The following BRF1 variants were observed in gnomAD, a reference collection of about 807,000 sequenced individuals.
The protein encoded by BRF1 is transcription factor IIIB 90 kDa subunit.
A neutral mutation model predicts 81.7 loss-of-function variants in BRF1; 59 were observed. The ratio of observed to expected loss-of-function variants is 0.72; its 90% CI spans 0.59 to 0.90. The LOEUF is 0.90. BRF1 is among the 40% of genes least tolerant of loss of function. The pLI, the probability that BRF1 is intolerant of heterozygous loss-of-function variation, is 0.00. For synonymous variants in BRF1, 491 were observed against 395.6 expected, an observed-to-expected ratio of 1.24 and a Z score of -2.86; for missense variants, 1,050 against 936.3, an observed-to-expected ratio of 1.12 and a Z score of -1.58.
chr14:105,243,015 C>T (rs181402084), intron 5 of BRF1, among the ~76,000 whole-genome samples: 94 of 152,088 alleles, frequency 6.2e-4, no homozygotes, highest in Middle Eastern at 3.4e-3. Context: ...ACTTGGGAGG[C>T]TGAGGCAGGA....
Position 105,271,772 on chromosome 14 carries a change from G to C in BRF1, c.439+949C>G, listed in dbSNP as rs1566854505. 6.6e-6 allele frequency among the ~76,000 whole-genome samples: 1 copy of C among 152,252 alleles called. No homozygotes were observed. Among genetic ancestry groups the C allele is most frequent in the Non-Finnish European group, 1.5e-5 (1 of 68,032 alleles). ...CACAGGACCAGATGCACAGAGACCA[G>C]TGCAAGAGAACACCAGACACTGGAT... is the stretch of plus-strand genomic sequence containing the variant. On this transcript the variant is annotated intron_variant, in intron 3 of 17. Coordinates refer to ENST00000547530, the MANE Select transcript of BRF1 (RefSeq NM_001519.4). This position sits in a 1 kb window ranked among gnomAD's most constrained non-coding sequence, Gnocchi z 5.5.
rs796809791 is a variant in BRF1 at position 105,277,515 on chromosome 14, C to G, written c.266-4621G>C. 5.7e-3 allele frequency among the ~76,000 whole-genome samples: 449 copies of G among 78,462 alleles called. 12 individuals are homozygous for G. The highest frequency in any genetic ancestry group is 0.023 in the African/African-American group (421 of 18,306). 51.5% of individuals were successfully genotyped at this position (78,462 alleles called of 152,430 possible). A position where few individuals can be genotyped will look rare whatever the true frequency, so the allele number is the denominator to read the frequency against. On this transcript the variant is annotated intron_variant, in intron 2 of 17. Transcript: ENST00000547530. The stretch of plus-strand genomic sequence containing the variant: ...GCCACAGTGAGAAGGAGCTGAGAGG[C>G]GGCCCTCACTAGAGAGCTGGGGAGG...
At chr14:105,311,622 C>G (rs979795458) in intron 1 of BRF1, among the ~76,000 whole-genome samples, 5 of 152,148 alleles carry the variant, frequency 3.3e-5, no homozygotes, top group Admixed American at 3.3e-4. Flanking sequence ...TCTATCATGG[C>G]TCACCTAACC....
intron 3 of BRF1, among the ~76,000 whole-genome samples, chr14:105,264,666 C>CAAAAAA (rs56970432): frequency 4.9e-5 from 3 of 60,786 alleles, no homozygotes; most frequent in Non-Finnish European, 5.9e-5. Flanking sequence ...GACTCCATCT[C>CAAAAAA]AAAAAAAAAA....
intron 10 of BRF1, among the ~76,000 whole-genome samples, chr14:105,224,659 G>A (rs1595297664): frequency 1.3e-5 from 2 of 152,190 alleles, no homozygotes; most frequent in East Asian, 1.9e-4. Context: ...GTGATCCTCC[G>A]GCCTCAGCCT....
chr14:105,292,748 C>T (rs958639639), intron 1 of BRF1, among the ~76,000 whole-genome samples: 7 of 152,150 alleles, frequency 4.6e-5, no homozygotes, highest in African/African-American at 7.2e-5. Flanking sequence ...GGGCCAAGCA[C>T]GGCAGCCCAC....
intron 2 of BRF1, among the ~76,000 whole-genome samples, chr14:105,280,596 A>C (rs946140102): frequency 6.7e-6 from 1 of 149,926 alleles, no homozygotes; most frequent in African/African-American, 2.5e-5. Flanking sequence ...TGGAGGCTGC[A>C]TGATCCTGAG....
chr14:105,215,874 A>G (rs1250020048), intron 15 of BRF1, among the ~76,000 whole-genome samples: 1 of 145,926 alleles, frequency 6.9e-6, no homozygotes, highest in Non-Finnish European at 1.5e-5. Flanking sequence ...ATGCACACAC[A>G]CGCTGCAGGC....
intron 14 of BRF1, 152 bp downstream of exon 14, chr14:105,218,846 C>T (rs1891768289): frequency 4.5e-6 from 5 of 1,101,462 alleles, no homozygotes; most frequent in East Asian, 2.4e-5. Flanking sequence ...TGGTTAAGGA[C>T]GTGGGTCTGG....
chr14:105,225,441 G>A (rs1424827997), intron 10 of BRF1, among the ~76,000 whole-genome samples: 1 of 152,140 alleles, frequency 6.6e-6, no homozygotes, highest in South Asian at 2.1e-4. Context: ...TGGAGTTCAG[G>A]CACAGCTCAT....
intron 10 of BRF1, among the ~76,000 whole-genome samples, chr14:105,223,330 C>G (rs894896319): frequency 1.5e-5 from 2 of 130,614 alleles, no homozygotes; most frequent in Non-Finnish European, 3.2e-5. Flanking sequence ...GAAACAGCCT[C>G]AAACGTGCAA....
At chr14:105,253,900 G>C (rs2055740745) in intron 4 of BRF1, among the ~76,000 whole-genome samples, 1 of 152,250 alleles carries the variant, frequency 6.6e-6, no homozygotes, top group East Asian at 1.9e-4. Flanking sequence ...CATGTAGTGT[G>C]TGTGTGCATC....
Position 105,252,516 on chromosome 14 carries a change from G to T in BRF1, c.535C>A (p.Pro179Thr), listed in dbSNP as rs963629957. 16 of 1,613,626 alleles carry T rather than the reference G, an allele frequency of 9.9e-6. No homozygotes were observed. Among genetic ancestry groups the T allele is most frequent in the Admixed American group, 5.0e-5 (3 of 59,976 alleles). ...TCACCCAGATGCCTACCTATGGCCG[G>T]CGCATTGATGCAGAGCTCTCTTGCC... is the stretch of plus-strand genomic sequence containing the variant. ...LLARELCINA[P>T]AIDPCLYIPR... The change falls in exon 5 of 18, where the codon CCG becomes ACG. Residue 179 changes from proline (P) to threonine (T), a missense_variant. Coordinates refer to ENST00000547530, the MANE Select transcript of BRF1 (RefSeq NM_001519.4).
chr14:105,286,199 T>G (rs1369200367), intron 2 of BRF1, 97 bp downstream of exon 2: 4 of 1,326,378 alleles, frequency 3.0e-6, no homozygotes, highest in African/African-American at 1.5e-5. Flanking sequence ...TGGCAGGCCA[T>G]GAGGTCCATG....
chr14:105,314,179 A>AGGGGGGCGCGAGG (rs1192763722), intron 1 of BRF1, among the ~76,000 whole-genome samples: 1 of 150,148 alleles, frequency 6.7e-6, no homozygotes, highest in African/African-American at 2.5e-5. Flanking sequence ...GAACCCACGC[A>AGGGGGGCGCGAGG]GGGGGGCGCG....
intron 3 of BRF1, among the ~76,000 whole-genome samples, chr14:105,262,942 T>G (rs1242010457): frequency 1.3e-5 from 2 of 150,644 alleles, no homozygotes; most frequent in African/African-American, 2.4e-5. Context: ...CCATCTCCAT[T>G]TAAAAAAAAA....
intron 1 of BRF1, among the ~76,000 whole-genome samples, chr14:105,299,984 C>G (rs2057921525): frequency 6.6e-6 from 1 of 152,260 alleles, no homozygotes; most frequent in African/African-American, 2.4e-5. Flanking sequence ...CCATCCCCAG[C>G]CCGCAATACT....
At position 105,272,515 on chromosome 14, in the gene BRF1, G is replaced by A. The variant is rs115586479; in HGVS notation, c.439+206C>T. Among the ~76,000 whole-genome samples the A allele has an allele frequency of 7.3e-3, 1,119 of 152,338 alleles. 13 individuals carry two copies. The highest frequency in any genetic ancestry group is 0.026 in the African/African-American group (1,073 of 41,560). The stretch of plus-strand genomic sequence containing the variant: ...CCCAAGGGCTGTGCGAGGAAGGCAG[G>A]TGCCCAGCTCCCCAGTTCTTCGATC... On this transcript the variant is annotated intron_variant, in intron 3 of 17. Coordinates refer to ENST00000547530, the MANE Select transcript of BRF1 (RefSeq NM_001519.4).
chr14:105,306,671 T>C (rs1213479441), intron 1 of BRF1, among the ~76,000 whole-genome samples: 1 of 151,888 alleles, frequency 6.6e-6, no homozygotes, highest in African/African-American at 2.4e-5. Context: ...AATGGCACGA[T>C]CTTGATGTAC....
Sources: allele counts gnomAD v4.1 joint callset (sites outside exome capture counted in the v4.1 genomes callset), GRCh38; gene constraint gnomAD v4.1.1; non-coding constraint Gnocchi (gnomAD v3.1); transcripts MANE v1.5; gene names NCBI Gene and HGNC (gene_info 2026-07-23, HGNC 2026-07-21).